Variants in ADAMTS20 observed in about 807,000 individuals in gnomAD.
ADAMTS20 encodes the protein ADAM metallopeptidase with thrombospondin type 1 motif 20.
A neutral mutation model predicts 260.1 loss-of-function variants in ADAMTS20; 225 were observed. The ratio of observed to expected loss-of-function variants is 0.87; its 90% CI spans 0.78 to 0.97. ADAMTS20 has a LOEUF of 0.97. Ranked by LOEUF, ADAMTS20 falls within the 50% of genes least tolerant of loss-of-function variation. ADAMTS20 has a pLI of 0.00. For synonymous variants in ADAMTS20, 802 were observed against 769.5 expected (o/e 1.04, Z -0.70); for missense variants, 2,400 against 2,337.7 (o/e 1.03, Z -0.55).
At chr12:43,435,199 G>T (rs1941527541) in intron 18 of ADAMTS20, among the ~76,000 whole-genome samples, 1 of 152,130 alleles carries the variant, frequency 6.6e-6, no homozygotes, top group African/African-American at 2.4e-5. Flanking sequence ...CATCAAAATT[G>T]GCTCATCAAT....
chr12:43,407,798 T>C (rs1940946950), intron 28 of ADAMTS20, among the ~76,000 whole-genome samples: 1 of 152,166 alleles, frequency 6.6e-6, no homozygotes, highest in Non-Finnish European at 1.5e-5. Flanking sequence ...GTAGAAGCAA[T>C]AGTAAATGTA....
At chr12:43,523,081 C>T (rs994726745) in intron 3 of ADAMTS20, among the ~76,000 whole-genome samples, 2 of 152,198 alleles carry the variant, frequency 1.3e-5, no homozygotes, top group Admixed American at 6.5e-5. Flanking sequence ...TCTGGGGAAC[C>T]TCCTGAAGGT....
intron 3 of ADAMTS20, among the ~76,000 whole-genome samples, chr12:43,512,388 AC>A: frequency 6.6e-6 from 1 of 150,888 alleles, no homozygotes; most frequent in South Asian, 2.1e-4. Context: ...AAAGTGAGGA[AC>A]AGGAAGGTTA....
At chr12:43,544,751 C>T (rs1943420165) in intron 2 of ADAMTS20, among the ~76,000 whole-genome samples, 1 of 152,148 alleles carries the variant, frequency 6.6e-6, no homozygotes, top group Non-Finnish European at 1.5e-5. Flanking sequence ...CCTTTCTTGC[C>T]ACTTCTGTCA....
At chr12:43,514,463 G>C (rs1942970429) in intron 3 of ADAMTS20, among the ~76,000 whole-genome samples, 1 of 150,560 alleles carries the variant, frequency 6.6e-6, no homozygotes, top group Non-Finnish European at 1.5e-5. Context: ...TCGGGAGGCT[G>C]AGGCAGGAGA....
chr12:43,504,420 T>C (rs2137452032), intron 3 of ADAMTS20, among the ~76,000 whole-genome samples: 1 of 152,306 alleles, frequency 6.6e-6, no homozygotes, highest in Admixed American at 6.5e-5. Context: ...GCTTTTAATA[T>C]TGTTATGTTC....
At chr12:43,391,880 T>C (rs939301000) in intron 29 of ADAMTS20, among the ~76,000 whole-genome samples, 2 of 152,226 alleles carry the variant, frequency 1.3e-5, no homozygotes, top group Non-Finnish European at 2.9e-5. Context: ...ACATTTTTAC[T>C]GGAAAAGCAC....
chr12:43,383,187 G>A (rs1940391982), intron 31 of ADAMTS20, among the ~76,000 whole-genome samples: 1 of 152,082 alleles, frequency 6.6e-6, no homozygotes, highest in Admixed American at 6.6e-5. Context: ...TTATGGCTGT[G>A]TACATGTGTT....
chr12:43,518,672 C>G (rs1242938479), intron 3 of ADAMTS20, among the ~76,000 whole-genome samples: 1 of 152,012 alleles, frequency 6.6e-6, no homozygotes, highest in African/African-American at 2.4e-5. Flanking sequence ...TACTCTATTG[C>G]CTACTTCTCT....
Position 43,533,955 on chromosome 12 carries a change from A to G in ADAMTS20, c.454-1760T>C, listed in dbSNP as rs1379367821. 3.0e-4 allele frequency among the ~76,000 whole-genome samples: 5 copies of G among 16,590 alleles called. 2 individuals carry two copies. The highest frequency in any genetic ancestry group is 4.4e-4 in the African/African-American group (5 of 11,352). The allele number at this position is 16,590 out of a possible 152,430, so 10.9% of individuals were successfully genotyped here. A position where few individuals can be genotyped will look rare whatever the true frequency, so the allele number is the denominator to read the frequency against. ...AAAGCTGAAACTGGATCCCTTCCTT[A>G]CACCTTATACAAAAATCAACTCAAG... is the stretch of plus-strand genomic sequence containing the variant. On this transcript the variant is annotated intron_variant, in intron 2 of 38. Coordinates refer to ENST00000389420, the MANE Select transcript of ADAMTS20 (RefSeq NM_025003.5).
Position 43,532,065 on chromosome 12 carries a change from A to G in ADAMTS20, c.584T>C (p.Leu195Pro). 1 of 1,605,684 alleles carries G rather than the reference A, an allele frequency of 6.2e-7. No homozygotes were observed. The highest frequency in any genetic ancestry group is 8.5e-7 in the Non-Finnish European group (1 of 1,175,654). Residue 195 changes from leucine (L) to proline (P), a missense_variant, in exon 3 of 39, where the codon CTG becomes CCG. By Grantham distance (98) the Leu-to-Pro change is moderately conservative (BLOSUM62 -3). Transcript: ENST00000389420. Reference protein sequence around the residue: ...IYRQDLNNSFLQTLKYCSVSE... With the variant: ...IYRQDLNNSFPQTLKYCSVSE... ...CACACTGCAATACTTCAGAGTCTGC[A>G]GAAAAGAGTTATTTAAGTCTTGTCT...
chr12:43,504,068 A>T (rs1350098619), intron 3 of ADAMTS20, among the ~76,000 whole-genome samples: 2 of 152,102 alleles, frequency 1.3e-5, no homozygotes, highest in African/African-American at 2.4e-5. Context: ...TCCTTTGGGT[A>T]TATGCCCAAT....
chr12:43,546,754 T>C (rs902438780), intron 2 of ADAMTS20, among the ~76,000 whole-genome samples: 1 of 152,216 alleles, frequency 6.6e-6, no homozygotes, highest in Non-Finnish European at 1.5e-5. Context: ...ATTACATTAC[T>C]TATAGATAAT....
Position 43,425,515 on chromosome 12 carries a change from G to T in ADAMTS20, c.4283C>A (p.Ser1428Ter). Reference protein sequence around the residue: ...DVSWHQEPWTSCSASCGKGRK... With the variant: ...DVSWHQEPWT ...TAACAGACAAGAGTGCTATCATACC[G>T]ATGTCCATGGTTCCTGATGCCATGA... The change falls in exon 28 of 39, where the codon TCG (serine) becomes TAG (stop). Residue 1428 changes from serine (S) to a stop codon, truncating the protein, a stop_gained and splice_region_variant. Transcript: ENST00000389420. LOFTEE classifies it high-confidence loss of function. 1 of 1,505,714 alleles carries T rather than the reference G, an allele frequency of 6.6e-7. No individual in the cohort carries two copies. The highest frequency in any genetic ancestry group is 9.0e-7 in the Non-Finnish European group (1 of 1,115,536). 93.3% of individuals were successfully genotyped at this position (1,505,714 alleles called of 1,614,324 possible). A position where few individuals can be genotyped will look rare whatever the true frequency, so the allele number is the denominator to read the frequency against.
At chr12:43,547,312 A>G (rs1005431454) in intron 2 of ADAMTS20, among the ~76,000 whole-genome samples, 16 of 152,342 alleles carry the variant, frequency 1.1e-4, no homozygotes, top group Non-Finnish European at 1.9e-4. Flanking sequence ...CAAAAGGTCA[A>G]TTAAATGAGA....
intron 27 of ADAMTS20, 28 bp downstream of exon 27, chr12:43,427,280 C>T (rs1210721954): frequency 6.2e-7 from 1 of 1,606,722 alleles, no homozygotes; most frequent in African/African-American, 1.3e-5. Flanking sequence ...GTAATAATCT[C>T]ACAAGTTTAG....
At position 43,375,380 on chromosome 12, in the gene ADAMTS20, TTTA is replaced by T; in HGVS notation, c.5442_5444del (p.Lys1815del). On this transcript the variant is annotated inframe_deletion and splice_region_variant, in exon 36 of 39. Coordinates refer to ENST00000389420, the MANE Select transcript of ADAMTS20 (RefSeq NM_025003.5). The stretch of plus-strand genomic sequence containing the variant: ...TTAAAATATAGATTGAGCACTTACT[TTTA>T]ATTTGCATGGAAGTGAGATCAATTC... 1 of 1,611,194 alleles carries T rather than the reference TTTA, an allele frequency of 6.2e-7. No homozygotes were observed. Among genetic ancestry groups the T allele is most frequent in the South Asian group, 1.1e-5 (1 of 90,546 alleles).
At chr12:43,359,816 T>C (rs935353175) in intron 37 of ADAMTS20, among the ~76,000 whole-genome samples, 1 of 152,206 alleles carries the variant, frequency 6.6e-6, no homozygotes, top group African/African-American at 2.4e-5. Context: ...TATAAATCCC[T>C]CAGACTTAAT....
chr12:43,410,495 A>T (rs1417860128), intron 28 of ADAMTS20, among the ~76,000 whole-genome samples: 1 of 152,222 alleles, frequency 6.6e-6, no homozygotes, highest in African/African-American at 2.4e-5. Flanking sequence ...AAAGTACAGT[A>T]CACTACTTGG....
Sources: allele counts gnomAD v4.1 joint callset (sites outside exome capture counted in the v4.1 genomes callset), GRCh38; gene constraint gnomAD v4.1.1; transcripts MANE v1.5; gene names NCBI Gene and HGNC (gene_info 2026-07-23, HGNC 2026-07-21).